CELF2: variants seen among roughly 807,000 people sequenced by gnomAD.
CELF2 encodes the protein CUG triplet repeat RNA-binding protein 2.
A neutral mutation model predicts 62.6 loss-of-function variants in CELF2; 8 were observed. The observed-to-expected ratio is 0.13, with a 90% CI of 0.07 to 0.23. The LOEUF (loss-of-function observed/expected upper bound fraction) is 0.23. CELF2 is among the 10% of genes least tolerant of loss of function. CELF2 has a pLI of 1.00. For synonymous variants in CELF2, 258 were observed against 250.0 expected (o/e 1.03, Z -0.30); for missense variants, 333 against 671.0 (o/e 0.50, Z 5.56).
rs566203149 is a variant in CELF2 at position 10,864,056 on chromosome 10, G to C, written c.54-55908G>C. Among the ~76,000 whole-genome samples, 4 of 152,270 alleles carry C rather than the reference G, an allele frequency of 2.6e-5. No individual in the cohort carries two copies. In the East Asian group the frequency reaches 7.7e-4, roughly 29 times the overall value. On this transcript the variant is annotated intron_variant, in intron 1 of 13. Coordinates refer to the CELF2 transcript ENST00000636488. ...ACTTTTTAAAATTTATTGTGCCTCA[G>C]TTTATGGTTTTAACATGCTTATTAT...
At chr10:11,044,532 A>G (rs1331423538) in intron 1 of CELF2, among the ~76,000 whole-genome samples, 3 of 152,180 alleles carry the variant, frequency 2.0e-5, no homozygotes, top group East Asian at 1.9e-4. Context: ...TAAATTTGCA[A>G]TAATTCTGGG....
chr10:11,097,820 A>G (rs925318263), intron 1 of CELF2, among the ~76,000 whole-genome samples: 1 of 152,096 alleles, frequency 6.6e-6, no homozygotes, highest in Admixed American at 6.5e-5. Flanking sequence ...TGGTCAACCA[A>G]CCTTTGTCAC....
rs80303811 is a variant in CELF2, at chr10:11,125,126, A to G, written c.75-40360A>G. The stretch of plus-strand genomic sequence containing the variant: ...TTCAACAGGCTCTCTTTTGAAATTG[A>G]CCCAGTCAGTGGTTAGAAATGGCCA... On this transcript the variant is annotated intron_variant, in intron 1 of 12. Transcript: ENST00000633077. 8.8e-3 allele frequency among the ~76,000 whole-genome samples: 1,337 copies of G among 152,234 alleles called. 21 individuals carry two copies. The highest frequency in any genetic ancestry group is 0.031 in the African/African-American group (1,270 of 41,530).
At chr10:10,919,011 C>A (rs1171438907) in intron 1 of CELF2, among the ~76,000 whole-genome samples, 4 of 152,068 alleles carry the variant, frequency 2.6e-5, no homozygotes, top group Non-Finnish European at 5.9e-5. Context: ...TGGCTCACAC[C>A]TGTAATCCCA....
intron 1 of CELF2, among the ~76,000 whole-genome samples, chr10:10,909,866 T>A (rs2063660665): frequency 2.3e-5 from 3 of 127,974 alleles, no homozygotes; most frequent in African/African-American, 1.3e-4. Context: ...AGGGGGCTCA[T>A]GTTTATAAAG....
At chr10:10,727,957 TCC>T in the CELF2 span, among the ~76,000 whole-genome samples, 2 of 152,086 alleles carry the variant, frequency 1.3e-5, no homozygotes, top group Non-Finnish European at 1.5e-5. Context: ...AATAAGATTC[TCC>T]CCGTGTTGCT....
chr10:10,604,097 C>T, the CELF2 span, among the ~76,000 whole-genome samples: 1 of 152,104 alleles, frequency 6.6e-6, no homozygotes, highest in Non-Finnish European at 1.5e-5. Context: ...GTAGTCCCCA[C>T]TACTAGGGAG....
At chr10:11,022,393 A>C (rs2058475152) in intron 1 of CELF2, among the ~76,000 whole-genome samples, 2 of 152,206 alleles carry the variant, frequency 1.3e-5, no homozygotes, top group African/African-American at 2.4e-5. Context: ...TAACTTTGGC[A>C]TCTGTTGATG....
chr10:10,780,602 T>G, the CELF2 span, among the ~76,000 whole-genome samples: 1 of 152,168 alleles, frequency 6.6e-6, no homozygotes, highest in Non-Finnish European at 1.5e-5. Flanking sequence ...TGCCTCAGCC[T>G]CCCAAGTAGC....
At chr10:10,837,940 A>G (rs1335172355) in intron 1 of CELF2, among the ~76,000 whole-genome samples, 1 of 152,226 alleles carries the variant, frequency 6.6e-6, no homozygotes, top group Non-Finnish European at 1.5e-5. Flanking sequence ...TGGTATATTT[A>G]TCACAATTAA....
chr10:11,023,602 G>A (rs1278959743), intron 1 of CELF2, among the ~76,000 whole-genome samples: 2 of 152,166 alleles, frequency 1.3e-5, no homozygotes, highest in African/African-American at 4.8e-5. Context: ...GAGAGCTTTA[G>A]ACTCCTCCTA....
the CELF2 span, among the ~76,000 whole-genome samples, chr10:10,759,058 AG>A: frequency 2.0e-5 from 3 of 152,216 alleles, no homozygotes; most frequent in African/African-American, 7.2e-5. Context: ...CTTGCTTCAC[AG>A]AGATATGAGC....
At position 11,288,451 on chromosome 10, in the gene CELF2, C is replaced by T. The variant is rs2091880973; in HGVS notation, c.875C>T (p.Thr292Met). ...MNALQLQNLA[T>M]LAAAAAAAQT... ...GCTTTACAGTTGCAGAACCTGGCGA[C>T]GCTGGCTGCTGCTGCAGCTGCGGCC... The change falls in exon 9 of 13, where the codon ACG (threonine) becomes ATG (methionine). Residue 292 changes from threonine (T) to methionine (M), a missense_variant. Physicochemically the swap from Thr to Met is moderately conservative, Grantham distance 81. Around this residue, in one of 3 missense-constraint regions of CELF2, gnomAD observed 253 missense variants for 503.0 expected, o/e 0.50. Coordinates refer to ENST00000633077, the MANE Select transcript of CELF2 (RefSeq NM_001326342.2). The T allele has an allele frequency of 1.9e-6, 3 of 1,614,036 alleles. No homozygotes were observed. The highest frequency in any genetic ancestry group is 2.5e-6 in the Non-Finnish European group (3 of 1,180,040).
At position 11,319,278 on chromosome 10, in the gene CELF2, C is replaced by T; in HGVS notation, c.1097-1911C>T. ...CCCTTCCCGAGTTATTGTACATACCCCTCTCACCTATCTCAAAAAACACGG... is the reference window on the plus strand; with the variant it reads ...CCCTTCCCGAGTTATTGTACATACCTCTCTCACCTATCTCAAAAAACACGG... On this transcript the variant is annotated intron_variant, in intron 10 of 12. Transcript: ENST00000633077. This position sits in a 1 kb window ranked among gnomAD's most constrained non-coding sequence, Gnocchi z 4.4. 1 of 363,058 alleles carries T rather than the reference C, an allele frequency of 2.8e-6. No homozygotes were observed. Among genetic ancestry groups the T allele is most frequent in the Non-Finnish European group, 5.6e-6 (1 of 179,252 alleles). The allele number at this position is 363,058 out of a possible 1,614,324, so 22.5% of individuals were successfully genotyped here. A position where few individuals can be genotyped will look rare whatever the true frequency, so the allele number is the denominator to read the frequency against.
chr10:11,090,155 C>T lies in CELF2; in HGVS notation c.74+71992C>T, dbSNP rs77339900. On this transcript the variant is annotated intron_variant, in intron 1 of 12. Coordinates refer to ENST00000633077, the MANE Select transcript of CELF2 (RefSeq NM_001326342.2). ...AATATACCCAGGTTACAAACCTGCA[C>T]ATGTAATCCCTGAATCTAAAATGAA... Among the ~76,000 whole-genome samples, 751 of 149,260 alleles carry T rather than the reference C, an allele frequency of 5.0e-3. 15 individuals are homozygous for T. Among genetic ancestry groups the T allele is most frequent in the East Asian group, 0.027 (140 of 5,116 alleles).
At chr10:10,881,979 G>T (rs576911534) in intron 1 of CELF2, among the ~76,000 whole-genome samples, 1 of 152,130 alleles carries the variant, frequency 6.6e-6, no homozygotes, top group Non-Finnish European at 1.5e-5. Context: ...CTGCATTTTG[G>T]CATCTTTTAA....
intron 1 of CELF2, among the ~76,000 whole-genome samples, chr10:11,135,409 T>C (rs1425402588): frequency 1.3e-5 from 2 of 152,258 alleles, no homozygotes; most frequent in Non-Finnish European, 2.9e-5. Flanking sequence ...TCATGCATTA[T>C]GTTTCTTTTG....
At chr10:10,953,437 A>T (rs141903737) in intron 2 of CELF2, among the ~76,000 whole-genome samples, 5 of 152,348 alleles carry the variant, frequency 3.3e-5, no homozygotes, top group African/African-American at 7.2e-5. Flanking sequence ...TGCTGAAGTT[A>T]TCTAACAAGA....
At chr10:10,481,944 C>G in the CELF2 span, among the ~76,000 whole-genome samples, 1 of 152,188 alleles carries the variant, frequency 6.6e-6, no homozygotes, top group Non-Finnish European at 1.5e-5. Context: ...AAAGTTATTT[C>G]TAGCAATGCA....
Sources: allele counts gnomAD v4.1 joint callset (sites outside exome capture counted in the v4.1 genomes callset), GRCh38; gene constraint gnomAD v4.1.1; regional missense constraint gnomAD v4.1.1; non-coding constraint Gnocchi (gnomAD v3.1); transcripts MANE v1.5; gene names NCBI Gene and HGNC (gene_info 2026-07-23, HGNC 2026-07-21).